IFT80: variants seen among roughly 807,000 people sequenced by gnomAD.
The protein encoded by IFT80 is intraflagellar transport protein 80 homolog.
IFT80 carries 79 observed loss-of-function variants against 107.9 expected under a neutral mutation model. The ratio of observed to expected loss-of-function variants is 0.73; its 90% CI spans 0.61 to 0.88. The LOEUF is 0.88. Ranked by LOEUF, IFT80 falls within the 40% of genes least tolerant of loss-of-function variation. The pLI, the probability that IFT80 is intolerant of heterozygous loss-of-function variation, is 0.00. For missense variants in IFT80, 797 were observed against 914.2 expected, an observed-to-expected ratio of 0.87 and a Z score of 1.65; for synonymous variants, 299 against 300.9, an observed-to-expected ratio of 0.99 and a Z score of 0.07.
chr3:160,325,203 G>A (rs1718594963), intron 8 of IFT80, among the ~76,000 whole-genome samples: 1 of 151,900 alleles, frequency 6.6e-6, no homozygotes, highest in African/African-American at 2.4e-5. Flanking sequence ...TGGCCATACT[G>A]CCCAAGGTAA....
chr3:160,336,656 T>C (rs1187145042), intron 8 of IFT80, among the ~76,000 whole-genome samples: 2 of 152,084 alleles, frequency 1.3e-5, no homozygotes, highest in Non-Finnish European at 2.9e-5. Flanking sequence ...TATATGAAGA[T>C]ACACTTTCCT....
chr3:160,322,916 A>T (rs199637149), intron 8 of IFT80, among the ~76,000 whole-genome samples: 31,832 of 151,194 alleles, frequency 0.21, 3,658 homozygotes, highest in Non-Finnish European at 0.26. Flanking sequence ...GTTTGAGTTC[A>T]TTGTAGATTC....
rs1295592605 is a variant in IFT80, at chr3:160,399,161, A to G, written c.-62T>C. On this transcript the variant is annotated 5_prime_UTR_variant, in exon 1 of 20. Transcript: ENST00000326448. ...AGGGATTTACCTCAAGTTCCAGGAAAGCGGTGGCGATTGCTCTCAAATACC... is the reference window on the plus strand; with the variant it reads ...AGGGATTTACCTCAAGTTCCAGGAAGGCGGTGGCGATTGCTCTCAAATACC... The G allele has an allele frequency of 1.3e-5, 2 of 152,226 alleles. No individual in the cohort carries two copies. Among genetic ancestry groups the G allele is most frequent in the African/African-American group, 4.8e-5 (2 of 41,454 alleles). 9.4% of individuals were successfully genotyped at this position (152,226 alleles called of 1,614,324 possible).
In IFT80 at chr3:160,291,622, G is replaced by A. The variant is rs1432508075; in HGVS notation, c.1316-5754C>T. ...CAGAAGAAGGTGAAAACAAATAAGC[G>A]TGGTGGGCTGCACTGCATGCTGTTT... On this transcript the variant is annotated intron_variant, in intron 12 of 19. Coordinates refer to ENST00000326448, the MANE Select transcript of IFT80 (RefSeq NM_020800.3). 5.3e-5 allele frequency among the ~76,000 whole-genome samples: 8 copies of A among 152,310 alleles called. No homozygotes were observed. The East Asian group carries it at 5.8e-4, about 11-fold the overall frequency.
intron 8 of IFT80, among the ~76,000 whole-genome samples, chr3:160,337,390 C>G (rs1033640468): frequency 6.6e-6 from 1 of 152,114 alleles, no homozygotes. Context: ...CTGTGGGAGG[C>G]TGAGGCAGGT....
chr3:160,345,416 A>T (rs1476731558), intron 8 of IFT80, among the ~76,000 whole-genome samples: 1 of 151,998 alleles, frequency 6.6e-6, no homozygotes, highest in Non-Finnish European at 1.5e-5. Flanking sequence ...TAGAGAGTAG[A>T]AGGATGATGC....
At chr3:160,394,045 GAAGA>G (rs907264151) in intron 1 of IFT80, 7 of 152,346 alleles carry the variant, frequency 4.6e-5, no homozygotes, top group South Asian at 2.1e-4. Flanking sequence ...AATAGAGAAA[GAAGA>G]AAGGAGAAAG....
intron 12 of IFT80, 68 bp from the exon 13 acceptor site, chr3:160,285,936 C>T: frequency 9.4e-7 from 1 of 1,063,584 alleles, no homozygotes; most frequent in Non-Finnish European, 1.4e-6. Flanking sequence ...TTCAGTGAAA[C>T]TATTATAATC....
intron 5 of IFT80, among the ~76,000 whole-genome samples, chr3:160,370,143 A>C (rs979510539): frequency 6.6e-6 from 1 of 152,100 alleles, no homozygotes; most frequent in Non-Finnish European, 1.5e-5. Flanking sequence ...TCCCCTAAAA[A>C]CGCTGTTTTT....
At position 160,356,091 on chromosome 3, in the gene IFT80, A is replaced by T. The variant is rs1462535062; in HGVS notation, c.699T>A (p.Thr233=). The change falls in exon 8 of 20, where the codon ACT becomes ACA. Residue 233 remains threonine (T), a synonymous_variant. Coordinates refer to ENST00000326448, the MANE Select transcript of IFT80 (RefSeq NM_020800.3). ...YNSQPHEHPI[T]SVAWAPDGEL... is the part of the protein sequence containing the mutation. ...CTCCATCTGGAGCCCAGGCAACTGA[A>T]GTAATGGGATGCTCATGAGGTTGTG... The T allele has an allele frequency of 1.9e-6, 3 of 1,614,058 alleles. No individual in the cohort carries two copies. The highest frequency in any genetic ancestry group is 2.5e-6 in the Non-Finnish European group (3 of 1,179,998).
chr3:160,269,853 A>T (rs1713659600), intron 18 of IFT80, among the ~76,000 whole-genome samples: 1 of 152,232 alleles, frequency 6.6e-6, no homozygotes, highest in Non-Finnish European at 1.5e-5. Context: ...TTCTAATATG[A>T]CATACGACTT....
Position 160,377,424 on chromosome 3 carries a change from A to T in IFT80, c.370+6T>A. 2 of 1,491,840 alleles carry T rather than the reference A, an allele frequency of 1.3e-6. No individual in the cohort carries two copies. Among genetic ancestry groups the T allele is most frequent in the Non-Finnish European group, 1.9e-6 (2 of 1,069,118 alleles). The allele number at this position is 1,491,840 out of a possible 1,614,324, so 92.4% of individuals were successfully genotyped here. On this transcript the variant is annotated splice_donor_region_variant and intron_variant, in intron 4 of 19. Transcript: ENST00000326448. ...ATTTCAAATGTCATTTTTACAGACA[A>T]CTTACCTGTAACTAATGCTGTTCCT... is the stretch of plus-strand genomic sequence containing the variant.
At chr3:160,365,961 AG>A in intron 6 of IFT80, 81 bp downstream of exon 6, 1 of 993,230 alleles carries the variant, frequency 1.0e-6, no homozygotes, top group East Asian at 2.4e-5. Flanking sequence ...ACCACCCAGA[AG>A]AAAGAGACTC....
Position 160,268,406 on chromosome 3 carries a change from T to C in IFT80, c.2223+7A>G, listed in dbSNP as rs372711710. ...TGTATTATTATACAAAATTGTGAAA[T>C]ACTTACACCTTCTGCATAATGCAAG... On this transcript the variant is annotated splice_region_variant and intron_variant, in intron 19 of 19. Transcript: ENST00000326448. The C allele has an allele frequency of 1.9e-6, 3 of 1,610,370 alleles. No homozygotes were observed. The highest frequency in any genetic ancestry group is 2.5e-6 in the Non-Finnish European group (3 of 1,176,942).
chr3:160,366,753 A>G (rs974874707), intron 5 of IFT80, among the ~76,000 whole-genome samples: 3 of 152,080 alleles, frequency 2.0e-5, no homozygotes, highest in Admixed American at 2.0e-4. Context: ...CATACAATAC[A>G]TAACAATTAC....
intron 7 of IFT80, among the ~76,000 whole-genome samples, chr3:160,356,372 C>T (rs563086875): frequency 1.1e-4 from 17 of 152,224 alleles, no homozygotes; most frequent in African/African-American, 3.4e-4. Context: ...AAGCTGTATT[C>T]CTTTAAGCCT....
chr3:160,279,379 A>AT lies in IFT80; in HGVS notation c.1665-16_1665-15insA, dbSNP rs1559916044. The AT allele has an allele frequency of 2.5e-5, 41 of 1,608,500 alleles. No homozygotes were observed. Among genetic ancestry groups the AT allele is most frequent in the Non-Finnish European group, 3.4e-5 (40 of 1,175,246 alleles). On this transcript the variant is annotated splice_polypyrimidine_tract_variant and intron_variant, in intron 15 of 19. Coordinates refer to ENST00000326448, the MANE Select transcript of IFT80 (RefSeq NM_020800.3). ...TACTAAATTCACTGTTGAAAAAAAA[A>AT]GCAAAGTACAATTTAAAGTTGTATT...
At chr3:160,350,516 A>G (rs1221995597) in intron 8 of IFT80, among the ~76,000 whole-genome samples, 1 of 151,182 alleles carries the variant, frequency 6.6e-6, no homozygotes, top group African/African-American at 2.4e-5. Flanking sequence ...TTATTCCCCA[A>G]TAAAGATGTA....
At chr3:160,344,147 T>C (rs1026224875) in intron 8 of IFT80, among the ~76,000 whole-genome samples, 1 of 152,218 alleles carries the variant, frequency 6.6e-6, no homozygotes, top group Non-Finnish European at 1.5e-5. Context: ...ATAAAACTCA[T>C]TGCTAAAGAG....
Sources: allele counts gnomAD v4.1 joint callset (sites outside exome capture counted in the v4.1 genomes callset), GRCh38; gene constraint gnomAD v4.1.1; transcripts MANE v1.5; gene names NCBI Gene and HGNC (gene_info 2026-07-23, HGNC 2026-07-21).